The following RNF17 variants were observed in gnomAD, a reference collection of about 807,000 sequenced individuals.
RNF17 encodes spermatogenesis associated 23.
Under a neutral mutation model 200.5 loss-of-function variants are expected in RNF17, and 31 were observed. The ratio of observed to expected loss-of-function variants is 0.15; its 90% CI spans 0.12 to 0.21. The LOEUF is 0.21. RNF17 is among the 10% of genes least tolerant of loss of function. The pLI is 1.00. For missense variants in RNF17, 1,628 were observed against 1,905.1 expected (o/e 0.85, Z 2.71); for synonymous variants, 606 against 637.8 (o/e 0.95, Z 0.75).
chr13:24,757,935 G>T, the RNF17 span, among the ~76,000 whole-genome samples: 1 of 152,132 alleles, frequency 6.6e-6, no homozygotes, highest in East Asian at 1.9e-4. Context: ...GGATCATGGG[G>T]GTGGATCCTT....
Position 24,825,651 on chromosome 13 carries a change from G to T in RNF17, c.2124G>T (p.Lys708Asn). Residue 708 changes from lysine (K) to asparagine (N), a missense_variant, in exon 16 of 36, where the codon AAG (lysine) becomes AAT (asparagine). Coordinates refer to ENST00000255324, the MANE Select transcript of RNF17 (RefSeq NM_031277.3). ...GCCTGGATATTTTATTTCTATTAAA[G>T]ACAATCGAGGAATTCTATAAAAGTG... is the stretch of plus-strand genomic sequence containing the variant. Reference protein sequence around the residue: ...IEGLDILFLLKTIEEFYKSED... With the variant: ...IEGLDILFLLNTIEEFYKSED... 6.2e-7 allele frequency: 1 copy of T among 1,602,578 alleles called. No individual in the cohort carries two copies.
At chr13:24,874,296 A>T in intron 33 of RNF17, 47 bp downstream of exon 33, 1 of 1,475,706 alleles carries the variant, frequency 6.8e-7, no homozygotes, top group Non-Finnish European at 9.1e-7. Flanking sequence ...TTTTTTTTTA[A>T]ATAGTTTTCT....
At chr13:24,800,224 A>G (rs1885080457) in intron 12 of RNF17, 142 bp from the exon 13 acceptor site, 2 of 543,894 alleles carry the variant, frequency 3.7e-6, no homozygotes, top group Non-Finnish European at 6.3e-6. Flanking sequence ...CTATATAGTA[A>G]GAAAGTATTA....
chr13:24,840,333 A>G (rs1890484218), intron 18 of RNF17, among the ~76,000 whole-genome samples: 1 of 152,240 alleles, frequency 6.6e-6, no homozygotes, highest in Non-Finnish European at 1.5e-5. Flanking sequence ...TTAAAGAACT[A>G]AAAGTAGAAC....
chr13:24,758,723 T>C, the RNF17 span, among the ~76,000 whole-genome samples: 31 of 152,238 alleles, frequency 2.0e-4, no homozygotes, highest in Middle Eastern at 6.8e-3. Context: ...ATCTTTACCA[T>C]GACTAGGCAA....
chr13:24,778,771 G>A (rs1209805490), intron 4 of RNF17, among the ~76,000 whole-genome samples: 3 of 152,126 alleles, frequency 2.0e-5, no homozygotes, highest in African/African-American at 7.2e-5. Flanking sequence ...AATTATGTTT[G>A]TTGTTGTTAA....
rs1296549698 is a variant in RNF17 at position 24,796,294 on chromosome 13, A to C, written c.1398A>C (p.Leu466=). 1 of 1,581,154 alleles carries C rather than the reference A, an allele frequency of 6.3e-7. No individual in the cohort carries two copies. Among genetic ancestry groups the C allele is most frequent in the East Asian group, 2.3e-5 (1 of 44,360 alleles). The change falls in exon 11 of 36, where the codon CTA becomes CTC. Residue 466 remains leucine (L), a splice_region_variant and synonymous_variant. Transcript: ENST00000255324. ...SHLDPSDILE[L]GARIFVSSIK... is the part of the protein sequence containing the mutation. ...TTGATCCTTCAGACATTTTGGAACT[A>C]GGTAATGAAATATTAGTCCAAGTTA...
chr13:24,787,192 G>A (rs1883223662), intron 6 of RNF17, among the ~76,000 whole-genome samples: 1 of 151,764 alleles, frequency 6.6e-6, no homozygotes, highest in African/African-American at 2.4e-5. Context: ...ATTTCTCTAT[G>A]TTGATATTAT....
At chr13:24,807,350 G>A (rs1241770911) in intron 15 of RNF17, among the ~76,000 whole-genome samples, 1 of 151,202 alleles carries the variant, frequency 6.6e-6, no homozygotes, top group African/African-American at 2.4e-5. Context: ...TCTAACTGGT[G>A]TGAGATGGTA....
chr13:24,767,877 G>A (rs1042952761), intron 2 of RNF17, among the ~76,000 whole-genome samples: 6 of 152,080 alleles, frequency 3.9e-5, no homozygotes, highest in African/African-American at 1.4e-4. Context: ...AATAAAAGGC[G>A]CTAAAGTCAT....
chr13:24,755,035 C>T, the RNF17 span, among the ~76,000 whole-genome samples: 1 of 152,020 alleles, frequency 6.6e-6, no homozygotes, highest in Non-Finnish European at 1.5e-5. Context: ...TTATATATCA[C>T]ATATATTTTC....
intron 18 of RNF17, among the ~76,000 whole-genome samples, chr13:24,840,527 A>G (rs1018714890): frequency 3.4e-5 from 5 of 148,640 alleles, no homozygotes; most frequent in Admixed American, 6.7e-5. Flanking sequence ...ATACATATAT[A>G]TATGTGTGTG....
chr13:24,833,532 C>T (rs370918804), intron 18 of RNF17, among the ~76,000 whole-genome samples: 34 of 152,290 alleles, frequency 2.2e-4, no homozygotes, highest in African/African-American at 7.2e-4. Flanking sequence ...AATCATGTTT[C>T]GTGGGGTTTT....
chr13:24,781,399 A>T (rs1387595869), intron 5 of RNF17, among the ~76,000 whole-genome samples: 2 of 152,064 alleles, frequency 1.3e-5, no homozygotes, highest in Non-Finnish European at 2.9e-5. Flanking sequence ...TGGGAGGCCA[A>T]GGCAGGAGGA....
intron 25 of RNF17, 44 bp from the exon 26 acceptor site, chr13:24,858,955 TAG>T (rs1177120176): frequency 8.3e-7 from 1 of 1,200,674 alleles, no homozygotes; most frequent in Non-Finnish European, 1.2e-6. Context: ...TGACAAATGA[TAG>T]GGAATTTTCC....
At chr13:24,811,617 C>T (rs146791695) in intron 15 of RNF17, among the ~76,000 whole-genome samples, 18,994 of 152,142 alleles carry the variant, frequency 0.12, 1,247 homozygotes, top group Middle Eastern at 0.16. Flanking sequence ...GTAATTTGAT[C>T]GTCTGAAGCC....
chr13:24,882,968 C>T (rs2138521177), downstream of RNF17: 1 of 572,170 alleles, frequency 1.7e-6, no homozygotes, highest in Middle Eastern at 4.7e-4. Flanking sequence ...TTTCCTTAGT[C>T]TATTGAAAGA....
intron 16 of RNF17, among the ~76,000 whole-genome samples, chr13:24,827,720 A>AAAAAAAC (rs1888877701): frequency 6.8e-6 from 1 of 147,650 alleles, no homozygotes; most frequent in Non-Finnish European, 1.5e-5. Context: ...AAAAAAAACA[A>AAAAAAAC]AAAAAAAAAA....
intron 18 of RNF17, among the ~76,000 whole-genome samples, chr13:24,834,062 T>G (rs1889700023): frequency 6.6e-6 from 1 of 152,152 alleles, no homozygotes; most frequent in Non-Finnish European, 1.5e-5. Flanking sequence ...AGATAATTTA[T>G]CTGGAACATT....
Sources: allele counts gnomAD v4.1 joint callset (sites outside exome capture counted in the v4.1 genomes callset), GRCh38; gene constraint gnomAD v4.1.1; transcripts MANE v1.5; gene names NCBI Gene and HGNC (gene_info 2026-07-23, HGNC 2026-07-21).